The following UXS1 variants were observed in gnomAD, a reference collection of about 807,000 sequenced individuals.
UXS1 encodes the protein UDP-glucuronic acid decarboxylase 1.
UXS1 carries 33 observed loss-of-function variants against 62.6 expected under a neutral mutation model. That is an observed-to-expected ratio of 0.53 (90% confidence interval 0.40 to 0.70). The LOEUF (loss-of-function observed/expected upper bound fraction) is 0.70. UXS1 is among the 30% of genes least tolerant of loss of function. The pLI, the probability that UXS1 is intolerant of heterozygous loss-of-function variation, is 0.00. For missense variants in UXS1, 434 were observed against 556.3 expected, an observed-to-expected ratio of 0.78 and a Z score of 2.21; for synonymous variants, 213 against 206.8, an observed-to-expected ratio of 1.03 and a Z score of -0.26.
chr2:106,190,350 C>A (rs566923416), intron 1 of UXS1, among the ~76,000 whole-genome samples: 5 of 152,200 alleles, frequency 3.3e-5, no homozygotes, highest in African/African-American at 1.2e-4. Flanking sequence ...AATCATCTCC[C>A]AAAGAACAAA....
intron 10 of UXS1, among the ~76,000 whole-genome samples, chr2:106,106,471 T>G (rs932206317): frequency 1.3e-5 from 2 of 152,158 alleles, no homozygotes; most frequent in Non-Finnish European, 2.9e-5. Flanking sequence ...AACATTTATA[T>G]GCCAATTCCA....
intron 9 of UXS1, among the ~76,000 whole-genome samples, 165 bp downstream of exon 9, chr2:106,122,805 A>G (rs529810344): frequency 6.6e-6 from 1 of 152,184 alleles, no homozygotes; most frequent in Non-Finnish European, 1.5e-5. Context: ...TACATGGAAA[A>G]AGCTGTTGAT....
intron 10 of UXS1, among the ~76,000 whole-genome samples, chr2:106,112,208 G>A (rs564687115): frequency 1.0e-3 from 158 of 152,370 alleles, no homozygotes; most frequent in African/African-American, 3.4e-3. Context: ...GGCCAGTGGA[G>A]GATGGTACCG....
chr2:106,161,342 G>T (rs1294451074), intron 4 of UXS1, among the ~76,000 whole-genome samples: 1 of 152,162 alleles, frequency 6.6e-6, no homozygotes, highest in Non-Finnish European at 1.5e-5. Context: ...CTGGGCTCAA[G>T]CCATCAGCCT....
intron 1 of UXS1, among the ~76,000 whole-genome samples, chr2:106,192,485 T>C (rs7600507): frequency 0.98 from 148,747 of 151,792 alleles, 72,931 homozygotes; most frequent in South Asian, 1. Context: ...ACCCGGGAGG[T>C]GGAGCGTGCA....
intron 6 of UXS1, among the ~76,000 whole-genome samples, chr2:106,140,177 T>G (rs1445030888): frequency 1.3e-5 from 2 of 152,246 alleles, no homozygotes; most frequent in Non-Finnish European, 2.9e-5. Context: ...CACTAGAGAC[T>G]GGCTCAGCCC....
rs566772114 is a variant in UXS1 at position 106,166,273 on chromosome 2, T to C, written c.95-190A>G. ...TACAAAATAAGTAAAAACAGGATCG[T>C]AGAGTTTATTCAGGCCAAGTTTGAG... is the stretch of plus-strand genomic sequence containing the variant. On this transcript the variant is annotated intron_variant, in intron 1 of 14. Transcript: ENST00000283148. 1,065 of 575,352 alleles carry C rather than the reference T, an allele frequency of 1.9e-3. 16 individuals carry two copies. The South Asian group carries it at 0.025, about 14-fold the overall frequency. 35.6% of individuals were successfully genotyped at this position (575,352 alleles called of 1,614,324 possible).
At chr2:106,108,295 G>A (rs2104867166) in intron 10 of UXS1, among the ~76,000 whole-genome samples, 1 of 152,270 alleles carries the variant, frequency 6.6e-6, no homozygotes, top group Non-Finnish European at 1.5e-5. Context: ...AAAAGAAAGG[G>A]GTGTGTGTGC....
At chr2:106,184,553 A>T (rs1684443168) in intron 1 of UXS1, among the ~76,000 whole-genome samples, 1 of 152,210 alleles carries the variant, frequency 6.6e-6, no homozygotes, top group Non-Finnish European at 1.5e-5. Context: ...AGATCAAGAC[A>T]CTGGCGGTGA....
intron 1 of UXS1, among the ~76,000 whole-genome samples, chr2:106,187,240 CCCTCAG>C (rs1684618188): frequency 6.6e-6 from 1 of 152,094 alleles, no homozygotes; most frequent in Non-Finnish European, 1.5e-5. Flanking sequence ...GTGCCTCCAA[CCCTCAG>C]GCTCCTACAG....
chr2:106,187,655 A>C (rs1046531521), intron 1 of UXS1, among the ~76,000 whole-genome samples: 3 of 152,192 alleles, frequency 2.0e-5, no homozygotes, highest in Non-Finnish European at 4.4e-5. Context: ...AAGGTACCAC[A>C]ACTAAAATGT....
intron 10 of UXS1, among the ~76,000 whole-genome samples, chr2:106,111,325 A>G (rs1214166155): frequency 6.6e-6 from 1 of 152,194 alleles, no homozygotes; most frequent in Non-Finnish European, 1.5e-5. Context: ...GATACCACTT[A>G]GTGACAGGGG....
At chr2:106,179,066 A>G (rs1301844923) in intron 1 of UXS1, among the ~76,000 whole-genome samples, 1 of 152,092 alleles carries the variant, frequency 6.6e-6, no homozygotes, top group Non-Finnish European at 1.5e-5. Context: ...CTGCATGGTC[A>G]CTGGTGTCTG....
chr2:106,103,419 C>T (rs1677769980), intron 11 of UXS1, among the ~76,000 whole-genome samples: 1 of 152,156 alleles, frequency 6.6e-6, no homozygotes, highest in Non-Finnish European at 1.5e-5. Context: ...AGCAAGACTC[C>T]CTCAGAAAAG....
intron 10 of UXS1, among the ~76,000 whole-genome samples, chr2:106,109,567 T>C (rs1041098176): frequency 6.6e-6 from 1 of 152,226 alleles, no homozygotes; most frequent in African/African-American, 2.4e-5. Context: ...GTGCCATAAC[T>C]GAACTGTGGA....
At chr2:106,100,886 G>T in intron 12 of UXS1, 172 bp downstream of exon 12, 1 of 807,422 alleles carries the variant, frequency 1.2e-6, no homozygotes, top group Non-Finnish European at 2.0e-6. Context: ...TTACTTCTTT[G>T]TATACTCTTA....
At chr2:106,185,543 T>C (rs1684502492) in intron 1 of UXS1, among the ~76,000 whole-genome samples, 1 of 152,106 alleles carries the variant, frequency 6.6e-6, no homozygotes, top group African/African-American at 2.4e-5. Context: ...ATCTAGACAT[T>C]AAGGAAGTGC....
intron 5 of UXS1, among the ~76,000 whole-genome samples, chr2:106,148,366 G>A (rs906605176): frequency 6.6e-6 from 1 of 152,074 alleles, no homozygotes. Context: ...TTAAAAACTT[G>A]CAACTTTTAA....
rs1677152757 is a variant in UXS1, at chr2:106,096,840, A to C, written c.1043-19T>G. 1.3e-6 allele frequency: 2 copies of C among 1,562,130 alleles called. No homozygotes were observed. The highest frequency in any genetic ancestry group is 4.7e-5 in the East Asian group (2 of 42,492). ...CCGCTACCTGAGATGTTTAAAGAAAAAAAAGGTAGGAGAGAATCACAAAGC... is the reference window on the plus strand; with the variant it reads ...CCGCTACCTGAGATGTTTAAAGAAACAAAAGGTAGGAGAGAATCACAAAGC... On this transcript the variant is annotated intron_variant, in intron 13 of 14. Transcript: ENST00000283148.
Sources: gnomAD v4.1 joint callset for allele counts (sites outside exome capture counted in the v4.1 genomes callset) on GRCh38, gnomAD v4.1.1 for gene constraint, MANE v1.5 for transcripts, NCBI Gene and HGNC (gene_info 2026-07-23, HGNC 2026-07-21) for gene names.